The following LDLRAD3 variants were observed in gnomAD, a reference collection of about 807,000 sequenced individuals.
LDLRAD3 encodes the protein low density lipoprotein receptor class A domain containing 3.
Under a neutral mutation model 29.4 loss-of-function variants are expected in LDLRAD3, and 20 were observed. The ratio of observed to expected loss-of-function variants is 0.68; its 90% CI spans 0.48 to 0.99. The LOEUF (loss-of-function observed/expected upper bound fraction) is 0.99. Among genes scored for constraint, LDLRAD3 ranks in the 50% least tolerant of loss-of-function variants. The probability of loss-of-function intolerance (pLI) is 0.00; values close to 1 mark genes in which losing one functional copy is unlikely to be tolerated. For missense variants in LDLRAD3, 420 were observed against 454.3 expected, an observed-to-expected ratio of 0.92 and a Z score of 0.69; for synonymous variants, 157 against 192.7, an observed-to-expected ratio of 0.81 and a Z score of 1.53.
chr11:35,989,559 T>G (rs1160372270), intron 1 of LDLRAD3, among the ~76,000 whole-genome samples: 2 of 152,210 alleles, frequency 1.3e-5, no homozygotes, highest in Admixed American at 6.5e-5. Context: ...AGCAGTGTTT[T>G]GTAATTCTCC....
chr11:36,095,819 T>G (rs1853352128), intron 3 of LDLRAD3, among the ~76,000 whole-genome samples: 1 of 152,194 alleles, frequency 6.6e-6, no homozygotes, highest in South Asian at 2.1e-4. Context: ...TCCCAGGCTG[T>G]CTGAGTGAGC....
intron 1 of LDLRAD3, among the ~76,000 whole-genome samples, chr11:36,002,238 C>T (rs897657439): frequency 2.6e-5 from 4 of 152,224 alleles, no homozygotes; most frequent in African/African-American, 9.7e-5. Flanking sequence ...CTATTACTAG[C>T]ATACACTTAA....
intron 4 of LDLRAD3, among the ~76,000 whole-genome samples, chr11:36,163,878 G>A (rs1327548168): frequency 6.6e-6 from 1 of 152,208 alleles, no homozygotes; most frequent in Non-Finnish European, 1.5e-5. Flanking sequence ...GAAGTTCACT[G>A]GTTTAGAGCA....
intron 3 of LDLRAD3, among the ~76,000 whole-genome samples, chr11:36,094,335 C>G (rs923760909): frequency 3.3e-5 from 5 of 152,140 alleles, no homozygotes; most frequent in Non-Finnish European, 7.3e-5. Context: ...ACATAGTATG[C>G]CTTTCATTTA....
intron 2 of LDLRAD3, among the ~76,000 whole-genome samples, chr11:36,038,416 T>C (rs781523561): frequency 3.3e-5 from 5 of 152,214 alleles, no homozygotes; most frequent in Non-Finnish European, 4.4e-5. Flanking sequence ...ATATTTCAAC[T>C]TCGGCACATA....
At position 36,141,076 on chromosome 11, in the gene LDLRAD3, G is replaced by A. The variant is rs187359210; in HGVS notation, c.454+42615G>A. ...CGTGTGTGTCTGTATTTTAAAAAAT[G>A]GTTCCATCCAAAATGGAGATATGCG... is the stretch of plus-strand genomic sequence containing the variant. On this transcript the variant is annotated intron_variant, in intron 4 of 5. Transcript: ENST00000315571. Among the ~76,000 whole-genome samples the A allele has an allele frequency of 8.7e-4, 126 of 145,582 alleles. 2 individuals carry two copies. Among genetic ancestry groups the A allele is most frequent in the Admixed American group, 2.3e-3 (33 of 14,144 alleles).
rs1402713304 is a variant in LDLRAD3 at position 36,168,681 on chromosome 11, T to TTG, written c.455-58394_455-58393dup. 2.0e-5 allele frequency among the ~76,000 whole-genome samples: 3 copies of TTG among 152,116 alleles called. No homozygotes were observed. The East Asian group carries it at 5.8e-4, about 29-fold the overall frequency. On this transcript the variant is annotated intron_variant, in intron 4 of 5. Transcript: ENST00000315571. Reference sequence around the variant, plus strand: ...CACTCATTTCACTTTTTAGCAACAGTTGTGTGTGTGTTAGAGCCGAAGTCT... The same window carrying TTG: ...CACTCATTTCACTTTTTAGCAACAGTTGTGTGTGTGTGTTAGAGCCGAAGTCT...
chr11:36,101,320 G>A lies in LDLRAD3; in HGVS notation c.454+2859G>A, dbSNP rs143095769. Among the ~76,000 whole-genome samples the A allele has an allele frequency of 6.6e-5, 10 of 152,276 alleles. No homozygotes were observed. In the East Asian group the frequency reaches 7.7e-4, roughly 12 times the overall value. ...GCCTCTCAAATCCTGCCGAACCTAC[G>A]TGGTGGCATTGTGCTCTGTACATAG... On this transcript the variant is annotated intron_variant, in intron 4 of 5. Coordinates refer to ENST00000315571, the MANE Select transcript of LDLRAD3 (RefSeq NM_174902.4).
At chr11:35,945,295 T>TG (rs1851042439) in intron 1 of LDLRAD3, among the ~76,000 whole-genome samples, 1 of 152,182 alleles carries the variant, frequency 6.6e-6, no homozygotes, top group South Asian at 2.1e-4. Context: ...GAGTTATGAA[T>TG]GCGTTAAAGG....
chr11:35,985,246 C>G (rs1360001941), intron 1 of LDLRAD3, among the ~76,000 whole-genome samples: 2 of 152,164 alleles, frequency 1.3e-5, no homozygotes, highest in Non-Finnish European at 2.9e-5. Context: ...TTGTTCTTGA[C>G]TTGGTGCTTC....
Position 36,036,158 on chromosome 11 carries a change from C to T in LDLRAD3, c.102C>T (p.Asn34=), listed in dbSNP as rs1249162871. 1 of 1,614,182 alleles carries T rather than the reference C, an allele frequency of 6.2e-7. No homozygotes were observed. The highest frequency in any genetic ancestry group is 1.6e-4 in the Middle Eastern group (1 of 6,062). The change falls in exon 2 of 6, where the codon AAC becomes AAT. Residue 34 remains asparagine (N), a synonymous_variant. Coordinates refer to ENST00000315571, the MANE Select transcript of LDLRAD3 (RefSeq NM_174902.4). ...CCAATGAGTGCAACATACCAGGCAA[C>T]TTCATGTGCAGCAATGGACGGTGCA... The part of the protein sequence containing the change: ...NFTNECNIPG[N]FMCSNGRCIP...
intron 4 of LDLRAD3, among the ~76,000 whole-genome samples, chr11:36,147,996 G>C (rs1387383554): frequency 6.6e-6 from 1 of 152,012 alleles, no homozygotes; most frequent in Non-Finnish European, 1.5e-5. Context: ...TCAGCCTTGC[G>C]AGTAGCTGAG....
chr11:35,954,953 T>C (rs1565121562), intron 1 of LDLRAD3, among the ~76,000 whole-genome samples: 1 of 152,300 alleles, frequency 6.6e-6, no homozygotes, highest in East Asian at 1.9e-4. Context: ...TTAAAGCAGG[T>C]CTGTTTTATA....
In LDLRAD3 at chr11:36,012,297, G is replaced by T. The variant is rs533287831; in HGVS notation, c.47-23806G>T. On this transcript the variant is annotated intron_variant, in intron 1 of 5. Transcript: ENST00000315571. Reference sequence around the variant, plus strand: ...GGCTATAACTTTTGCAGTTTGAGGTGTGACAGCAAAACTAGCACAAATTCT... The same window carrying T: ...GGCTATAACTTTTGCAGTTTGAGGTTTGACAGCAAAACTAGCACAAATTCT... Among the ~76,000 whole-genome samples the T allele has an allele frequency of 7.2e-5, 11 of 152,310 alleles. No individual in the cohort carries two copies. In the East Asian group the frequency reaches 2.1e-3, roughly 29 times the overall value.
intron 1 of LDLRAD3, among the ~76,000 whole-genome samples, chr11:36,028,809 A>C (rs1040146672): frequency 2.0e-5 from 3 of 152,174 alleles, no homozygotes; most frequent in African/African-American, 7.2e-5. Flanking sequence ...TTCTTGGCCT[A>C]CACTGCCTGA....
At chr11:35,974,494 G>A (rs1445344695) in intron 1 of LDLRAD3, among the ~76,000 whole-genome samples, 1 of 152,160 alleles carries the variant, frequency 6.6e-6, no homozygotes, top group African/African-American at 2.4e-5. Context: ...AGCTTAGCTG[G>A]GCTCTCTGAA....
chr11:36,218,545 G>T (rs1306866605), intron 4 of LDLRAD3, among the ~76,000 whole-genome samples: 1 of 152,234 alleles, frequency 6.6e-6, no homozygotes, highest in East Asian at 1.9e-4. Flanking sequence ...GTGGCCATGA[G>T]AATGGACGTG....
chr11:36,095,474 A>G (rs910247507), intron 3 of LDLRAD3, among the ~76,000 whole-genome samples: 26 of 152,144 alleles, frequency 1.7e-4, no homozygotes, highest in African/African-American at 6.3e-4. Flanking sequence ...GCCTGATTAC[A>G]TCCTTGGCCC....
intron 1 of LDLRAD3, among the ~76,000 whole-genome samples, chr11:36,033,109 G>A (rs1196516203): frequency 6.6e-6 from 1 of 152,110 alleles, no homozygotes; most frequent in Non-Finnish European, 1.5e-5. Flanking sequence ...CTGACCTCAA[G>A]TGATCCACCC....
Sources: allele counts gnomAD v4.1 joint callset (sites outside exome capture counted in the v4.1 genomes callset), GRCh38; gene constraint gnomAD v4.1.1; transcripts MANE v1.5; gene names NCBI Gene and HGNC (gene_info 2026-07-23, HGNC 2026-07-21).